Variants in INPP4B observed in about 807,000 individuals in gnomAD.
INPP4B encodes the protein inositol polyphosphate 4-phosphatase type II.
In INPP4B, 55 loss-of-function variants were observed where a neutral mutation model predicts 122.5. That is an observed-to-expected ratio of 0.45 (90% CI 0.36 to 0.56). INPP4B has a LOEUF of 0.56. Among genes scored for constraint, INPP4B ranks in the 20% least tolerant of loss-of-function variants. INPP4B has a pLI of 0.00. For missense variants in INPP4B, 1,000 were observed against 1,097.7 expected (o/e 0.91, Z 1.26); for synonymous variants, 403 against 388.7 (o/e 1.04, Z -0.43).
At chr4:142,260,595 T>TTTGA in intron 10 of INPP4B, 31 bp from the exon 11 acceptor site, 1 of 1,166,624 alleles carries the variant, frequency 8.6e-7, no homozygotes, top group Non-Finnish European at 1.2e-6. Context: ...AAAAAAAAAA[T>TTTGA]TTTGAGAACA....
intron 1 of INPP4B, among the ~76,000 whole-genome samples, chr4:142,833,399 TTA>T (rs1267576706): frequency 2.0e-5 from 3 of 152,066 alleles, no homozygotes; most frequent in African/African-American, 7.2e-5. Context: ...CAAGATGAAT[TTA>T]TATAGTTTCT....
intron 7 of INPP4B, among the ~76,000 whole-genome samples, chr4:142,343,406 T>G (rs2151719642): frequency 6.6e-6 from 1 of 152,116 alleles, no homozygotes; most frequent in South Asian, 2.1e-4. Flanking sequence ...AGTAGATAGA[T>G]ATAGGGCATT....
intron 25 of INPP4B, chr4:142,030,442 A>T (rs1442320557): frequency 1.4e-6 from 1 of 722,950 alleles, no homozygotes; most frequent in Non-Finnish European, 2.2e-6. Flanking sequence ...CTTATGGTAA[A>T]TTTCCCCAAA....
intron 15 of INPP4B, among the ~76,000 whole-genome samples, chr4:142,180,577 A>C (rs1478248101): frequency 6.6e-6 from 1 of 152,208 alleles, no homozygotes; most frequent in African/African-American, 2.4e-5. Flanking sequence ...TGAGGAACAA[A>C]TATTAATTCA....
intron 25 of INPP4B, 125 bp downstream of exon 25, chr4:142,081,906 G>T: frequency 3.6e-6 from 2 of 552,116 alleles, no homozygotes; most frequent in Non-Finnish European, 6.0e-6. Context: ...TAAGCTATAA[G>T]CCATGAAAAT....
intron 2 of INPP4B, among the ~76,000 whole-genome samples, chr4:142,568,121 T>G (rs1560811384): frequency 6.7e-6 from 1 of 149,948 alleles, no homozygotes; most frequent in East Asian, 2.0e-4. Context: ...TGGCTTTGAT[T>G]ATTCTTTCCC....
intron 1 of INPP4B, among the ~76,000 whole-genome samples, chr4:142,839,962 G>C (rs2151207478): frequency 6.6e-6 from 1 of 152,286 alleles, no homozygotes; most frequent in South Asian, 2.1e-4. Context: ...ATTCCAACCA[G>C]ACACTTAAAC....
chr4:142,312,327 G>A (rs1054549560), intron 8 of INPP4B, among the ~76,000 whole-genome samples: 6 of 152,118 alleles, frequency 3.9e-5, no homozygotes, highest in African/African-American at 1.4e-4. Flanking sequence ...CATTTAGGAA[G>A]GTGTCCGATT....
intron 2 of INPP4B, among the ~76,000 whole-genome samples, chr4:142,630,880 C>T (rs980119318): frequency 2.0e-5 from 3 of 152,012 alleles, no homozygotes; most frequent in Non-Finnish European, 4.4e-5. Context: ...TAAAAGTGAA[C>T]ATCTCTTTAC....
intron 2 of INPP4B, among the ~76,000 whole-genome samples, chr4:142,674,867 G>A (rs1052471538): frequency 1.3e-5 from 2 of 152,114 alleles, no homozygotes; most frequent in Non-Finnish European, 2.9e-5. Flanking sequence ...AGTGTTTAGA[G>A]GAAAATTTAT....
chr4:142,482,098 G>A (rs1820625796), intron 2 of INPP4B, among the ~76,000 whole-genome samples: 1 of 152,174 alleles, frequency 6.6e-6, no homozygotes, highest in Admixed American at 6.6e-5. Flanking sequence ...TGACTGTTAT[G>A]TCTAAATGCA....
intron 2 of INPP4B, among the ~76,000 whole-genome samples, chr4:142,612,480 T>G (rs1742768835): frequency 6.6e-6 from 1 of 152,186 alleles, no homozygotes; most frequent in Non-Finnish European, 1.5e-5. Context: ...AACAGAAATG[T>G]ATTTCTCACT....
intron 2 of INPP4B, among the ~76,000 whole-genome samples, chr4:142,682,656 GAA>G (rs1402590079): frequency 6.6e-6 from 1 of 151,884 alleles, no homozygotes; most frequent in African/African-American, 2.4e-5. Flanking sequence ...CATGAGAGCA[GAA>G]AATATTCTCT....
intron 7 of INPP4B, among the ~76,000 whole-genome samples, chr4:142,340,834 T>C (rs141991763): frequency 2.8e-4 from 43 of 151,694 alleles, no homozygotes; most frequent in African/African-American, 1.0e-3. Context: ...GCCTCTAGAG[T>C]AGGCAAAAAA....
chr4:142,681,353 G>A (rs1758590039), intron 2 of INPP4B, among the ~76,000 whole-genome samples: 1 of 151,800 alleles, frequency 6.6e-6, no homozygotes, highest in Non-Finnish European at 1.5e-5. Context: ...CCTGTTCAGA[G>A]CAAGTGATTC....
At chr4:142,766,727 T>C (rs1168202310) in intron 1 of INPP4B, 1 of 152,126 alleles carries the variant, frequency 6.6e-6, no homozygotes, top group Non-Finnish European at 1.5e-5. Context: ...AATCAATGTG[T>C]GCTTCCTTAC....
chr4:142,398,391 AAAAAAAAAAAATATATATATAT>A (rs1281892528), intron 7 of INPP4B, among the ~76,000 whole-genome samples: 3 of 31,356 alleles, frequency 9.6e-5, no homozygotes, highest in Non-Finnish European at 1.9e-4. Context: ...AAAAAAAAAA[AAAAAAAAAAAATATATATATAT>A]ATATATATAT....
chr4:142,321,429 TTAATTAAATCCCATCTATTTC>T (rs1182805928), intron 7 of INPP4B, among the ~76,000 whole-genome samples: 3 of 152,178 alleles, frequency 2.0e-5, no homozygotes, highest in Admixed American at 2.0e-4. Context: ...GCTCTTTAGT[TTAATTAAATCCCATCTATTTC>T]TCTCTGTTTT....
rs1020685913 is a variant in INPP4B at position 142,023,160 on chromosome 4, T to C, written c.*5622A>G. On this transcript the variant is annotated 3_prime_UTR_variant, in exon 26 of 26. Transcript: ENST00000262992. ...TAATGGGGAGAAAAAGACAGAAACA[T>C]AAAAAATAAAAATCATTTATTTAAA... 1 of 151,978 alleles carries C rather than the reference T, an allele frequency of 6.6e-6. No individual in the cohort carries two copies. Among genetic ancestry groups the C allele is most frequent in the Non-Finnish European group, 1.5e-5 (1 of 67,974 alleles). 9.4% of individuals were successfully genotyped at this position (151,978 alleles called of 1,614,324 possible).
Sources: allele counts gnomAD v4.1 joint callset (sites outside exome capture counted in the v4.1 genomes callset), GRCh38; gene constraint gnomAD v4.1.1; transcripts MANE v1.5; gene names NCBI Gene and HGNC (gene_info 2026-07-23, HGNC 2026-07-21).